The following KDM2B variants were observed in gnomAD, a reference collection of about 807,000 sequenced individuals.
KDM2B encodes the protein lysine demethylase 2B, also known as lysine-specific demethylase 2B.
Under a neutral mutation model 150.0 loss-of-function variants are expected in KDM2B, and 26 were observed. That is an observed-to-expected ratio of 0.17 (90% CI 0.13 to 0.24). The LOEUF (loss-of-function observed/expected upper bound fraction) is 0.24. KDM2B is among the 10% of genes least tolerant of loss of function. The pLI is 1.00. For missense variants in KDM2B, 1,265 were observed against 1,816.9 expected (o/e 0.70, Z 5.52); for synonymous variants, 734 against 729.5 (o/e 1.01, Z -0.10).
rs1555289245 is a variant in KDM2B at position 121,443,761 on chromosome 12, G to A, written c.2484C>T (p.Ser828=). 1 of 1,609,126 alleles carries A rather than the reference G, an allele frequency of 6.2e-7. No individual in the cohort carries two copies. The change falls in exon 17 of 23, where the codon TCC becomes TCT. Residue 828 remains serine (S), a synonymous_variant. Transcript: ENST00000377071. The part of the protein sequence containing the change: ...ASSLQTSPGS[S]SHLSPRPPLG... ...GAGGGGGCCTCGGCGAGAGGTGAGA[G>A]GAGGAACCGGGGGACGTTTGAAGCG...
At chr12:121,487,556 C>T (rs1882898162) in intron 12 of KDM2B, among the ~76,000 whole-genome samples, 1 of 152,236 alleles carries the variant, frequency 6.6e-6, no homozygotes, top group Admixed American at 6.5e-5. Flanking sequence ...CGCTCTTCCT[C>T]TTGGGGAGCT....
rs1366222914 is a variant in KDM2B at position 121,443,686 on chromosome 12, C to T, written c.2559G>A (p.Gln853=). ...GCGTGCGTCGTGGGAGCACCTGCTGCTGGAAGTAAGTGAGACTGGATCTCC... is the reference window on the plus strand; with the variant it reads ...GCGTGCGTCGTGGGAGCACCTGCTGTTGGAAGTAAGTGAGACTGGATCTCC... ...PWWRSSLTYF[Q]QQLKPGKEDK... is the part of the protein sequence containing the mutation. The change falls in exon 17 of 23, where the codon CAG becomes CAA. Residue 853 remains glutamine, a synonymous_variant. Coordinates refer to ENST00000377071, the MANE Select transcript of KDM2B (RefSeq NM_032590.5). The T allele has an allele frequency of 1.2e-6, 2 of 1,607,424 alleles. No individual in the cohort carries two copies. The highest frequency in any genetic ancestry group is 1.7e-6 in the Non-Finnish European group (2 of 1,176,322).
chr12:121,549,996 T>C lies in KDM2B; in HGVS notation c.398-358A>G, dbSNP rs1291990148. Among the ~76,000 whole-genome samples, 3 of 152,094 alleles carry C rather than the reference T, an allele frequency of 2.0e-5. No individual in the cohort carries two copies. Among genetic ancestry groups the C allele is most frequent in the Non-Finnish European group, 1.5e-5 (1 of 68,002 alleles). Reference sequence around the variant, plus strand: ...TTTGAGACCAGCCTGGCCAACATGGTGAAACCCTGTATCTACTAAAAATAC... The same window carrying C: ...TTTGAGACCAGCCTGGCCAACATGGCGAAACCCTGTATCTACTAAAAATAC... On this transcript the variant is annotated intron_variant, in intron 4 of 22. Coordinates refer to ENST00000377071, the MANE Select transcript of KDM2B (RefSeq NM_032590.5). This position sits in a 1 kb window ranked among gnomAD's most constrained non-coding sequence, Gnocchi z 4.4.
intron 7 of KDM2B, 72 bp downstream of exon 7, chr12:121,534,425 G>A: frequency 9.3e-7 from 1 of 1,077,060 alleles, no homozygotes; most frequent in South Asian, 1.3e-5. Context: ...GGAGGAGAGG[G>A]AAAGGTAAGT....
rs1380980826 is a variant in KDM2B, at chr12:121,546,236, GAATC to G, written c.683+2637_683+2640del. Among the ~76,000 whole-genome samples the G allele has an allele frequency of 2.6e-5, 4 of 152,134 alleles. 1 individual carries two copies. Among genetic ancestry groups the G allele is most frequent in the Admixed American group, 2.0e-4 (3 of 15,260 alleles). ...AGACATAGGCGCTGAATGAATGAAT[GAATC>G]AATCAACCAATCAATGAACCATCAT... On this transcript the variant is annotated intron_variant, in intron 6 of 22. Coordinates refer to ENST00000377071, the MANE Select transcript of KDM2B (RefSeq NM_032590.5).
intron 4 of KDM2B, among the ~76,000 whole-genome samples, chr12:121,565,996 G>A (rs1178063752): frequency 2.6e-5 from 4 of 151,588 alleles, no homozygotes; most frequent in Admixed American, 1.3e-4. Flanking sequence ...TGGGAAAAAA[G>A]GGGAGACCTT....
chr12:121,534,321 C>T (rs1156695323), intron 7 of KDM2B, among the ~76,000 whole-genome samples, 176 bp downstream of exon 7: 3 of 151,356 alleles, frequency 2.0e-5, no homozygotes, highest in African/African-American at 7.3e-5. Context: ...TGCACTCCAG[C>T]CTGGGCGACA....
rs149420021 is a variant in KDM2B at position 121,508,826 on chromosome 12, C to T, written c.1647+741G>A. On this transcript the variant is annotated intron_variant, in intron 11 of 22. Coordinates refer to ENST00000377071, the MANE Select transcript of KDM2B (RefSeq NM_032590.5). ...CTACATAGTGCCCGCATCAGCTGGC[C>T]GTGTCAAGGACTGTGGGGATGTACA... Among the ~76,000 whole-genome samples the T allele has an allele frequency of 5.4e-4, 82 of 152,310 alleles. No homozygotes were observed. In the East Asian group the frequency reaches 0.015, roughly 28 times the overall value.
intron 12 of KDM2B, chr12:121,470,236 A>T (rs536699410): frequency 6.6e-6 from 1 of 152,318 alleles, no homozygotes; most frequent in Admixed American, 6.5e-5. Context: ...TCACTTCTGA[A>T]TTTAAGGAAG....
Position 121,439,879 on chromosome 12 carries a change from G to A in KDM2B, c.3807C>T (p.Ser1269=). ...LTAVGTTTRD[S]LTEINLSDCN... is the part of the protein sequence containing the mutation. Reference sequence around the variant, plus strand: ...CACCAGACAGGTTGATCTCGGTTAAGGAGTCTCGGGTGGTGGTGCCAACAG... The same window carrying A: ...CACCAGACAGGTTGATCTCGGTTAAAGAGTCTCGGGTGGTGGTGCCAACAG... The change falls in exon 22 of 23, where the codon TCC becomes TCT. Residue 1269 remains serine, a synonymous_variant. Coordinates refer to ENST00000377071, the MANE Select transcript of KDM2B (RefSeq NM_032590.5). The A allele has an allele frequency of 8.1e-6, 13 of 1,614,226 alleles. No individual in the cohort carries two copies. Among genetic ancestry groups the A allele is most frequent in the Non-Finnish European group, 1.1e-5 (13 of 1,180,016 alleles).
intron 4 of KDM2B, among the ~76,000 whole-genome samples, chr12:121,559,384 A>G (rs1228954157): frequency 6.6e-6 from 1 of 152,142 alleles, no homozygotes; most frequent in African/African-American, 2.4e-5. Context: ...AAGGAAAGTC[A>G]GTTCTGTTGG....
At chr12:121,464,374 G>A (rs1879539089) in intron 12 of KDM2B, among the ~76,000 whole-genome samples, 1 of 152,218 alleles carries the variant, frequency 6.6e-6, no homozygotes, top group South Asian at 2.1e-4. Context: ...AGAAGTTCCC[G>A]CCAAGGGTGC....
At chr12:121,476,022 C>T (rs1454184507) in intron 12 of KDM2B, among the ~76,000 whole-genome samples, 8 of 151,528 alleles carry the variant, frequency 5.3e-5, no homozygotes, top group African/African-American at 2.4e-5. Context: ...ATGCCCGGCA[C>T]GGTGGCTCAC....
intron 12 of KDM2B, among the ~76,000 whole-genome samples, chr12:121,491,793 C>CAA (rs111704010): frequency 5.7e-5 from 3 of 52,206 alleles, no homozygotes; most frequent in East Asian, 6.1e-4. Flanking sequence ...GATTCCATCT[C>CAA]AAAAAAAAAA....
chr12:121,575,324 A>G lies in KDM2B; in HGVS notation c.350+457T>C, dbSNP rs368134428. 2.6e-5 allele frequency among the ~76,000 whole-genome samples: 4 copies of G among 152,308 alleles called. No homozygotes were observed. In the South Asian group the frequency reaches 8.3e-4, roughly 32 times the overall value. ...TGAAAACAGACATAGTGGAGGGGCA[A>G]GCTGCAGGGCAGGCAAAGAAAGGGG... is the stretch of plus-strand genomic sequence containing the variant. On this transcript the variant is annotated intron_variant, in intron 3 of 22. Transcript: ENST00000377071. The surrounding 1 kb of genome is among the most constrained non-coding windows in gnomAD (Gnocchi z 4.4).
chr12:121,428,257 A>G (rs1438393320), downstream of KDM2B, among the ~76,000 whole-genome samples: 1 of 151,988 alleles, frequency 6.6e-6, no homozygotes, highest in African/African-American at 2.4e-5. Flanking sequence ...TAATGGCGCA[A>G]TCTCAGCTCA....
At chr12:121,576,218 G>A (rs1164028120) in intron 2 of KDM2B, among the ~76,000 whole-genome samples, 1 of 152,164 alleles carries the variant, frequency 6.6e-6, no homozygotes, top group African/African-American at 2.4e-5. Flanking sequence ...GGGATAGACA[G>A]AGACACGCAT....
intron 4 of KDM2B, among the ~76,000 whole-genome samples, chr12:121,563,541 A>G (rs1444440285): frequency 1.3e-5 from 2 of 151,958 alleles, no homozygotes; most frequent in Non-Finnish European, 2.9e-5. Flanking sequence ...CAGGAGGTGG[A>G]GGTTACAGTG....
At position 121,579,010 on chromosome 12, in the gene KDM2B, C is replaced by A. The variant is rs1891727815; in HGVS notation, c.127-64G>T. 5 of 1,551,244 alleles carry A rather than the reference C, an allele frequency of 3.2e-6. No individual in the cohort carries two copies. The East Asian group carries it at 1.2e-4, about 36-fold the overall frequency. ...TGGGGGCTGGAGGTCGCCTCTCAAC[C>A]TGGGCCCAGCACTAACAGGTGCAGC... On this transcript the variant is annotated intron_variant, in intron 1 of 22. Coordinates refer to ENST00000377071, the MANE Select transcript of KDM2B (RefSeq NM_032590.5).
Sources: gnomAD v4.1 joint callset for allele counts (sites outside exome capture counted in the v4.1 genomes callset) on GRCh38, gnomAD v4.1.1 for gene constraint, Gnocchi (gnomAD v3.1) non-coding constraint, MANE v1.5 for transcripts, NCBI Gene and HGNC (gene_info 2026-07-23, HGNC 2026-07-21) for gene names.